Variants in CNTN5 observed in about 807,000 individuals in gnomAD.
CNTN5 encodes contactin 5.
CNTN5 carries 77 observed loss-of-function variants against 129.1 expected under a neutral mutation model. The observed-to-expected ratio is 0.60, with a 90% CI of 0.50 to 0.72. The LOEUF is 0.72. Ranked by LOEUF, CNTN5 falls within the 30% of genes least tolerant of loss-of-function variation. CNTN5 has a pLI of 0.00. For missense variants in CNTN5, 1,478 were observed against 1,328.8 expected, an observed-to-expected ratio of 1.11 and a Z score of -1.75; for synonymous variants, 509 against 465.6, an observed-to-expected ratio of 1.09 and a Z score of -1.20.
At chr11:100,248,325 G>C (rs1015885032) in intron 16 of CNTN5, among the ~76,000 whole-genome samples, 1 of 152,074 alleles carries the variant, frequency 6.6e-6, no homozygotes, top group Non-Finnish European at 1.5e-5. Flanking sequence ...GTTTGGGACT[G>C]CTTGAGGCCA....
At chr11:99,123,359 C>G (rs1020453581) in intron 1 of CNTN5, among the ~76,000 whole-genome samples, 11 of 151,968 alleles carry the variant, frequency 7.2e-5, no homozygotes, top group Non-Finnish European at 1.5e-4. Context: ...TGAAAGATGT[C>G]TGTTCATGTC....
intron 21 of CNTN5, among the ~76,000 whole-genome samples, chr11:100,327,210 T>C (rs539388181): frequency 7.2e-5 from 11 of 152,368 alleles, no homozygotes; most frequent in African/African-American, 2.4e-5. Flanking sequence ...AAGCATTCCA[T>C]GTGTTACACT....
chr11:99,789,337 A>G (rs969605892), intron 3 of CNTN5, among the ~76,000 whole-genome samples: 4 of 152,074 alleles, frequency 2.6e-5, no homozygotes, highest in Middle Eastern at 6.8e-3. Flanking sequence ...AGATTAAGTA[A>G]CTTCTCTAAT....
rs370310584 is a variant in CNTN5 at position 100,152,946 on chromosome 11, C to T, written c.1581-38180C>T. ...AGGGCATGCCCTGAGCATGAGATCA[C>T]CATAATGAAGACATCATGGGTTGTT... On this transcript the variant is annotated intron_variant, in intron 13 of 24. Transcript: ENST00000524871. Among the ~76,000 whole-genome samples, 72 of 151,960 alleles carry T rather than the reference C, an allele frequency of 4.7e-4. No homozygotes were observed. The East Asian group carries it at 5.9e-3, about 12-fold the overall frequency.
At chr11:100,070,324 G>A in intron 10 of CNTN5, 100 bp from the exon 11 acceptor site, 2 of 1,255,054 alleles carry the variant, frequency 1.6e-6, no homozygotes, top group South Asian at 3.0e-5. Flanking sequence ...TGAATGAATT[G>A]CTTTTAAAAA....
chr11:99,033,873 T>G (rs922146196), intron 1 of CNTN5, among the ~76,000 whole-genome samples: 4 of 151,096 alleles, frequency 2.6e-5, no homozygotes, highest in Non-Finnish European at 5.9e-5. Flanking sequence ...GCTTCCAGTT[T>G]TTGCCCATTC....
At chr11:99,389,553 A>G (rs1050377108) in intron 2 of CNTN5, among the ~76,000 whole-genome samples, 2 of 152,206 alleles carry the variant, frequency 1.3e-5, no homozygotes, top group South Asian at 2.1e-4. Flanking sequence ...CCCTTTATAG[A>G]TAAGAATCAG....
At chr11:99,792,293 G>GT (rs1232982778) in intron 3 of CNTN5, among the ~76,000 whole-genome samples, 3 of 152,094 alleles carry the variant, frequency 2.0e-5, no homozygotes, top group Admixed American at 6.6e-5. Flanking sequence ...TTTCTTGAGA[G>GT]TTTTTAATAG....
At chr11:99,483,397 C>T (rs2135320973) in intron 2 of CNTN5, among the ~76,000 whole-genome samples, 1 of 152,146 alleles carries the variant, frequency 6.6e-6, no homozygotes, top group Non-Finnish European at 1.5e-5. Flanking sequence ...GAGTTGTGCG[C>T]ATGCTCACTT....
intron 3 of CNTN5, among the ~76,000 whole-genome samples, chr11:99,779,131 T>G (rs957975582): frequency 6.6e-6 from 1 of 151,950 alleles, no homozygotes; most frequent in Non-Finnish European, 1.5e-5. Context: ...ATGAATACTT[T>G]ATAAACATTT....
rs556637305 is a variant in CNTN5 at position 100,162,747 on chromosome 11, T to C, written c.1581-28379T>C. 3.3e-5 allele frequency among the ~76,000 whole-genome samples: 5 copies of C among 152,046 alleles called. No individual in the cohort carries two copies. The South Asian group carries it at 6.2e-4, about 19-fold the overall frequency. On this transcript the variant is annotated intron_variant, in intron 13 of 24. Transcript: ENST00000524871. Reference sequence around the variant, plus strand: ...TGATATTTCATCTCTTGTTTGCTAATGGTGCAAATGCTTTTTCCCTCTTCA... The same window carrying C: ...TGATATTTCATCTCTTGTTTGCTAACGGTGCAAATGCTTTTTCCCTCTTCA...
intron 3 of CNTN5, among the ~76,000 whole-genome samples, chr11:99,763,681 T>C (rs1033267282): frequency 5.3e-5 from 8 of 152,036 alleles, no homozygotes; most frequent in Non-Finnish European, 1.2e-4. Flanking sequence ...TTTAAGCATA[T>C]TGTATATTAA....
chr11:100,077,774 T>C (rs1288474482), intron 13 of CNTN5, among the ~76,000 whole-genome samples: 1 of 151,992 alleles, frequency 6.6e-6, no homozygotes. Context: ...GCCTGGGTGG[T>C]TTAGCTGAGC....
intron 1 of CNTN5, among the ~76,000 whole-genome samples, chr11:99,037,756 T>C (rs1488049135): frequency 1.3e-5 from 2 of 151,698 alleles, no homozygotes; most frequent in Admixed American, 1.3e-4. Context: ...ATTTTTGTAT[T>C]TTTAGTAGAG....
Position 99,310,963 on chromosome 11 carries a change from G to A in CNTN5, c.-209-14383G>A, listed in dbSNP as rs140649997. 6.7e-3 allele frequency among the ~76,000 whole-genome samples: 1,022 copies of A among 151,424 alleles called. 16 individuals carry two copies. The highest frequency in any genetic ancestry group is 0.024 in the African/African-American group (976 of 41,274). ...ATTTTTTTTTTTGAGACGGAGTCTC[G>A]CTTTGTCACCCATGCCGGAATGCGG... On this transcript the variant is annotated intron_variant, in intron 1 of 24. Transcript: ENST00000524871.
intron 18 of CNTN5, among the ~76,000 whole-genome samples, chr11:100,276,527 CAAAAAAAA>C (rs56774234): frequency 5.7e-5 from 4 of 70,072 alleles, no homozygotes; most frequent in African/African-American, 2.0e-4. Flanking sequence ...GAGACTCTCT[CAAAAAAAA>C]AAAAAAAAAA....
chr11:99,061,482 G>A (rs573458311), intron 1 of CNTN5, among the ~76,000 whole-genome samples: 5 of 152,046 alleles, frequency 3.3e-5, no homozygotes, highest in Non-Finnish European at 7.4e-5. Flanking sequence ...AGAGGTGAAC[G>A]TGGAATATGG....
intron 8 of CNTN5, among the ~76,000 whole-genome samples, chr11:99,976,541 G>T (rs1381940315): frequency 6.6e-6 from 1 of 152,194 alleles, no homozygotes; most frequent in Non-Finnish European, 1.5e-5. Context: ...ACAAACCTCA[G>T]CTGTTGTATT....
At chr11:99,367,235 G>C (rs1180629544) in intron 2 of CNTN5, among the ~76,000 whole-genome samples, 1 of 152,032 alleles carries the variant, frequency 6.6e-6, no homozygotes, top group Non-Finnish European at 1.5e-5. Context: ...TGTCAGTTCA[G>C]AACACTTTCA....
Sources: allele counts gnomAD v4.1 joint callset (sites outside exome capture counted in the v4.1 genomes callset), GRCh38; gene constraint gnomAD v4.1.1; transcripts MANE v1.5; gene names NCBI Gene and HGNC (gene_info 2026-07-23, HGNC 2026-07-21).